MACF1: variants seen among roughly 807,000 people sequenced by gnomAD.
MACF1 encodes microtubule-actin cross-linking factor 1.
Under a neutral mutation model 854.8 loss-of-function variants are expected in MACF1, and 193 were observed. That is an observed-to-expected ratio of 0.23 (90% CI 0.20 to 0.25). MACF1 has a LOEUF of 0.25. MACF1 is among the 10% of genes least tolerant of loss of function. The pLI is 1.00. For missense variants in MACF1, 7,722 were observed against 8,929.1 expected (o/e 0.86, Z 5.45); for synonymous variants, 3,185 against 3,226.7 (o/e 0.99, Z 0.44).
At position 39,387,705 on chromosome 1, in the gene MACF1, C is replaced by T. The variant is rs560278272; in HGVS notation, c.14863C>T (p.Arg4955Cys). ...GGCTATGCTGAATGAGGTGGAGAAG[C>T]GCCGCTCCCTGCTGGAAATATTGAA... is the stretch of plus-strand genomic sequence containing the variant. ...SKAMLNEVEKRRSLLEILNSA... is the reference protein window; with the variant it reads ...SKAMLNEVEKCRSLLEILNSA... The change falls in exon 58 of 101, where the codon CGC becomes TGC. Residue 4955 changes from arginine (R) to cysteine (C), a missense_variant. Arg to Cys is a radical substitution (Grantham distance 180). Around this residue, in one of 15 missense-constraint regions of MACF1, gnomAD observed 2,807 missense variants for 3,235.8 expected, o/e 0.87. Coordinates refer to ENST00000564288, the MANE Select transcript of MACF1 (RefSeq NM_001394062.1). The T allele has an allele frequency of 1.1e-5, 17 of 1,614,074 alleles. No individual in the cohort carries two copies. The highest frequency in any genetic ancestry group is 2.2e-5 in the East Asian group (1 of 44,880).
chr1:39,248,823 G>A (rs1339065403), intron 2 of MACF1, among the ~76,000 whole-genome samples: 1 of 151,918 alleles, frequency 6.6e-6, no homozygotes, highest in Admixed American at 6.6e-5. Flanking sequence ...TGATTTCCTG[G>A]GCTCAAGTGA....
chr1:39,451,719 G>A (rs995875920), intron 85 of MACF1, among the ~76,000 whole-genome samples: 4 of 152,072 alleles, frequency 2.6e-5, no homozygotes, highest in African/African-American at 9.7e-5. Context: ...CACAGCAGAT[G>A]TTTTTATTTC....
rs140196306 is a variant in MACF1, at chr1:39,301,456, C to T, written c.2634+1094C>T. Among the ~76,000 whole-genome samples, 758 of 151,140 alleles carry T rather than the reference C, an allele frequency of 5.0e-3. 8 individuals carry two copies. The highest frequency in any genetic ancestry group is 0.017 in the African/African-American group (710 of 41,134). On this transcript the variant is annotated intron_variant, in intron 22 of 100. Coordinates refer to ENST00000564288, the MANE Select transcript of MACF1 (RefSeq NM_001394062.1). ...TATTTTATTTTTTGAGACGGAGTCT[C>T]GCTCTGTGGCCCAGGCTGGAATGCA...
At chr1:39,174,438 G>C (rs931404928) in intron 2 of MACF1, among the ~76,000 whole-genome samples, 2 of 152,066 alleles carry the variant, frequency 1.3e-5, no homozygotes, top group African/African-American at 4.8e-5. Context: ...TTATTTTTTC[G>C]ATTAGTAATT....
intron 97 of MACF1, among the ~76,000 whole-genome samples, chr1:39,476,868 G>A (rs1267828568): frequency 6.6e-6 from 1 of 151,256 alleles, no homozygotes; most frequent in Non-Finnish European, 1.5e-5. Flanking sequence ...GAGGCGGGTG[G>A]ATCACCTGGG....
upstream of MACF1, among the ~76,000 whole-genome samples, chr1:39,200,615 C>A (rs943093652): frequency 2.6e-5 from 4 of 152,002 alleles, no homozygotes; most frequent in Admixed American, 6.6e-5. Context: ...AGGAGAATCA[C>A]TTGAACCCGG....
intron 5 of MACF1, 51 bp from the exon 6 acceptor site, chr1:39,257,884 AT>A: frequency 7.3e-7 from 1 of 1,366,704 alleles, no homozygotes; most frequent in Non-Finnish European, 1.0e-6. Context: ...CAAAAATTTA[AT>A]CAAAACAAAA....
In MACF1 at chr1:39,450,304, AT is replaced by A. The variant is rs558073532; in HGVS notation, c.20259-736del. Among the ~76,000 whole-genome samples the A allele has an allele frequency of 4.6e-3, 685 of 149,122 alleles. 2 individuals carry two copies. Among genetic ancestry groups the A allele is most frequent in the Non-Finnish European group, 6.6e-3 (442 of 67,162 alleles). On this transcript the variant is annotated intron_variant, in intron 84 of 100. Coordinates refer to ENST00000564288, the MANE Select transcript of MACF1 (RefSeq NM_001394062.1). ...GCCAACACACTTGGCCTGTACTCCA[AT>A]TTTTTTTTTTTATGAGGTGACTGAG...
rs1018989513 is a variant in MACF1 at position 39,389,552 on chromosome 1, G to A, written c.15816+894G>A. ...TTTTTATATTTTTAGTAGAGATGGG[G>A]TTTCACCATATTGGCCAGGCTGGTC... On this transcript the variant is annotated intron_variant, in intron 58 of 100. Coordinates refer to ENST00000564288, the MANE Select transcript of MACF1 (RefSeq NM_001394062.1). Among the ~76,000 whole-genome samples, 3 of 151,480 alleles carry A rather than the reference G, an allele frequency of 2.0e-5. No individual in the cohort carries two copies. In the South Asian group the frequency reaches 6.3e-4, roughly 32 times the overall value.
intron 49 of MACF1, among the ~76,000 whole-genome samples, chr1:39,365,682 CT>C (rs960056817): frequency 1.2e-3 from 177 of 144,450 alleles, no homozygotes; most frequent in African/African-American, 3.1e-3. Context: ...TCTTTTTTTT[CT>C]TTTTTTTTTT....
chr1:39,411,298 G>C, intron 58 of MACF1: 1 of 1,614,052 alleles, frequency 6.2e-7, no homozygotes, highest in Admixed American at 1.7e-5. Context: ...GTCAGACAGG[G>C]AAAAGACTTT....
Position 39,368,131 on chromosome 1 carries a change from C to T in MACF1, c.12772-17C>T, listed in dbSNP as rs757501525. The T allele has an allele frequency of 1.1e-5, 18 of 1,611,720 alleles. No homozygotes were observed. The South Asian group carries it at 1.8e-4, about 16-fold the overall frequency. On this transcript the variant is annotated splice_polypyrimidine_tract_variant and intron_variant, in intron 49 of 100. Transcript: ENST00000564288. ...AAGGATTAGAGGATTTAATACATTT[C>T]CTTGTTTGCTTGACAGGAGCTCAAT... is the stretch of plus-strand genomic sequence containing the variant.
At position 39,292,005 on chromosome 1, in the gene MACF1, G is replaced by T; in HGVS notation, c.1881G>T (p.Leu627=). ...ACATCCATACGAGTGTAGAAGAGCT[G>T]GGCTCAAGTGTCAAGGAGGCCAGGT... ...QQHIHTSVEE[L]GSSVKEARLY... is the part of the protein sequence containing the mutation. Residue 627 remains leucine (L), a synonymous_variant, in exon 16 of 101, where the codon CTG becomes CTT. Transcript: ENST00000564288. The T allele has an allele frequency of 6.2e-7, 1 of 1,614,032 alleles. No individual in the cohort carries two copies. Among genetic ancestry groups the T allele is most frequent in the South Asian group, 1.1e-5 (1 of 91,068 alleles).
chr1:39,157,758 G>A (rs958361734), intron 2 of MACF1, among the ~76,000 whole-genome samples: 2 of 152,080 alleles, frequency 1.3e-5, no homozygotes, highest in African/African-American at 4.8e-5. Context: ...CAAGGCTAGA[G>A]TGCAGTGGTG....
chr1:39,086,208 A>G (rs142113747), intron 2 of MACF1, among the ~76,000 whole-genome samples: 2 of 152,318 alleles, frequency 1.3e-5, no homozygotes, highest in Admixed American at 6.5e-5. Context: ...TTTTGAGGAT[A>G]TTATGTGATG....
chr1:39,134,526 C>T (rs1233676990), intron 2 of MACF1, among the ~76,000 whole-genome samples: 1 of 152,092 alleles, frequency 6.6e-6, no homozygotes. Flanking sequence ...CAGCATCTTA[C>T]AGTGGAAAGG....
At chr1:39,322,292 T>C (rs74357731) in intron 31 of MACF1, among the ~76,000 whole-genome samples, 1 of 152,278 alleles carries the variant, frequency 6.6e-6, no homozygotes, top group East Asian at 1.9e-4. Context: ...TGAGAAAAGG[T>C]TGAAAAGAAA....
intron 36 of MACF1, among the ~76,000 whole-genome samples, chr1:39,327,998 A>G (rs1646648400): frequency 6.6e-6 from 1 of 152,142 alleles, no homozygotes; most frequent in African/African-American, 2.4e-5. Flanking sequence ...TCTCTGGGAT[A>G]TATATGTGTG....
At chr1:39,456,756 T>G (rs1427787331) in intron 89 of MACF1, 1 of 152,502 alleles carries the variant, frequency 6.6e-6, no homozygotes, top group Non-Finnish European at 1.5e-5. Context: ...TCAGCTACGC[T>G]TCTTGTTCCC....
Sources: allele counts gnomAD v4.1 joint callset (sites outside exome capture counted in the v4.1 genomes callset), GRCh38; gene constraint gnomAD v4.1.1; regional missense constraint gnomAD v4.1.1; transcripts MANE v1.5; gene names NCBI Gene and HGNC (gene_info 2026-07-23, HGNC 2026-07-21).